Variants in FAR2 observed in about 807,000 individuals in gnomAD.
The protein encoded by FAR2 is epididymis secretory protein Li 81.
FAR2 carries 19 observed loss-of-function variants against 56.0 expected under a neutral mutation model. That is an observed-to-expected ratio of 0.34 (90% CI 0.24 to 0.50). The LOEUF (loss-of-function observed/expected upper bound fraction) is 0.50, where lower values mean the gene tolerates loss of function less well. Ranked by LOEUF, FAR2 falls within the 20% of genes least tolerant of loss-of-function variation. FAR2 has a pLI of 0.98. For missense variants in FAR2, 508 were observed against 642.2 expected (o/e 0.79, Z 2.26); for synonymous variants, 219 against 218.8 (o/e 1.00, Z -0.01).
intron 2 of FAR2, among the ~76,000 whole-genome samples, chr12:29,282,627 C>T (rs1366293542): frequency 6.6e-6 from 1 of 151,892 alleles, no homozygotes; most frequent in African/African-American, 2.4e-5. Context: ...AACATAGTAA[C>T]CAAAAATGTT....
intron 10 of FAR2, among the ~76,000 whole-genome samples, chr12:29,325,077 A>C (rs1451251393): frequency 6.6e-6 from 1 of 152,012 alleles, no homozygotes; most frequent in Non-Finnish European, 1.5e-5. Context: ...AATGGAAAAC[A>C]AAAAAAGGCA....
chr12:29,309,000 A>G (rs538745188), intron 5 of FAR2, among the ~76,000 whole-genome samples, 186 bp from the exon 6 acceptor site: 1 of 152,282 alleles, frequency 6.6e-6, no homozygotes, highest in South Asian at 2.1e-4. Flanking sequence ...ACAGTCAAAT[A>G]AAGTACAGAA....
intron 1 of FAR2, among the ~76,000 whole-genome samples, chr12:29,216,349 A>T (rs1352431193): frequency 1.3e-5 from 2 of 152,284 alleles, no homozygotes; most frequent in African/African-American, 4.8e-5. Context: ...TTTTTATGTT[A>T]CCAGGAATTT....
chr12:29,330,256 G>A (rs56161636), intron 10 of FAR2, among the ~76,000 whole-genome samples: 4,806 of 152,014 alleles, frequency 0.032, 100 homozygotes, highest in South Asian at 0.07. Context: ...GGGGTATCAC[G>A]ATATTGGTCA....
Position 29,240,333 on chromosome 12 carries a change from A to T in FAR2, c.-38-30079A>T, listed in dbSNP as rs536539052. On this transcript the variant is annotated intron_variant, in intron 1 of 11. Coordinates refer to ENST00000536681, the MANE Select transcript of FAR2 (RefSeq NM_001271783.2). Reference sequence around the variant, plus strand: ...GTTTCACCATCAACTCCCACTCTGAAGTCCTGCTTCCGTGCAATTCTTCCT... The same window carrying T: ...GTTTCACCATCAACTCCCACTCTGATGTCCTGCTTCCGTGCAATTCTTCCT... Among the ~76,000 whole-genome samples, 12 of 152,242 alleles carry T rather than the reference A, an allele frequency of 7.9e-5. No individual in the cohort carries two copies. In the South Asian group the frequency reaches 2.5e-3, roughly 32 times the overall value.
intron 10 of FAR2, among the ~76,000 whole-genome samples, chr12:29,323,940 A>G (rs571992358): frequency 6.6e-6 from 1 of 152,298 alleles, no homozygotes; most frequent in African/African-American, 2.4e-5. Flanking sequence ...CAGAAGATCA[A>G]ATTACTCTGA....
chr12:29,272,239 T>G (rs1948631236), intron 2 of FAR2, among the ~76,000 whole-genome samples: 1 of 152,240 alleles, frequency 6.6e-6, no homozygotes, highest in Admixed American at 6.5e-5. Flanking sequence ...CCAGCTTGTT[T>G]CCATTCTCCC....
intron 4 of FAR2, among the ~76,000 whole-genome samples, chr12:29,302,735 G>C (rs1277462316): frequency 1.3e-5 from 2 of 152,144 alleles, no homozygotes; most frequent in Non-Finnish European, 2.9e-5. Flanking sequence ...ATGAAAGTGG[G>C]CTTCAGGAAT....
rs573668578 is a variant in FAR2 at position 29,325,183 on chromosome 12, TCAG to T, written c.1257+3262_1257+3264del. 1.9e-4 allele frequency among the ~76,000 whole-genome samples: 29 copies of T among 152,298 alleles called. No homozygotes were observed. The Middle Eastern group carries it at 0.01, about 54-fold the overall frequency. On this transcript the variant is annotated intron_variant, in intron 10 of 11. Coordinates refer to ENST00000536681, the MANE Select transcript of FAR2 (RefSeq NM_001271783.2). ...ATTACATAATGGTAAAGGGATCAATTCAGCAAGAAGAGCTAACTATCCTAAATA... is the reference window on the plus strand; with the variant it reads ...ATTACATAATGGTAAAGGGATCAATTCAAGAAGAGCTAACTATCCTAAATA...
intron 1 of FAR2, among the ~76,000 whole-genome samples, chr12:29,216,828 T>C (rs1565474695): frequency 2.0e-5 from 3 of 152,240 alleles, no homozygotes; most frequent in African/African-American, 7.2e-5. Context: ...ATTAAACTTT[T>C]CATATCACGT....
chr12:29,199,225 A>C (rs765000712), intron 1 of FAR2, among the ~76,000 whole-genome samples: 3 of 152,204 alleles, frequency 2.0e-5, no homozygotes, highest in Non-Finnish European at 2.9e-5. Context: ...CAGGAATTCA[A>C]ATTTTATCGT....
intron 1 of FAR2, among the ~76,000 whole-genome samples, chr12:29,247,569 A>G (rs907532813): frequency 6.6e-6 from 1 of 152,090 alleles, no homozygotes; most frequent in Non-Finnish European, 1.5e-5. Flanking sequence ...ACACATTTAA[A>G]CTATTTTGTT....
At chr12:29,256,568 G>A (rs1214813597) in intron 1 of FAR2, among the ~76,000 whole-genome samples, 1 of 152,206 alleles carries the variant, frequency 6.6e-6, no homozygotes, top group African/African-American at 2.4e-5. Flanking sequence ...TCAGCCCACC[G>A]CTGCACTGTG....
At chr12:29,198,280 G>A (rs1216850151) in intron 1 of FAR2, among the ~76,000 whole-genome samples, 11 of 152,040 alleles carry the variant, frequency 7.2e-5, no homozygotes, top group Admixed American at 7.2e-4. Flanking sequence ...GGGCTGGAGT[G>A]CAGCCGGGCA....
At chr12:29,156,405 C>T (rs1157644132) in intron 1 of FAR2, 5 of 152,116 alleles carry the variant, frequency 3.3e-5, no homozygotes, top group Admixed American at 6.5e-5. Context: ...GTGTTGCTAA[C>T]GCTACATGCC....
intron 1 of FAR2, among the ~76,000 whole-genome samples, chr12:29,153,444 A>G (rs1949697393): frequency 6.6e-6 from 1 of 152,242 alleles, no homozygotes; most frequent in African/African-American, 2.4e-5. Context: ...GAGAGAAGGC[A>G]GGCCTTGTGA....
At chr12:29,200,811 T>C (rs1947399866) in intron 1 of FAR2, among the ~76,000 whole-genome samples, 1 of 152,230 alleles carries the variant, frequency 6.6e-6, no homozygotes, top group African/African-American at 2.4e-5. Context: ...ACAATGTCAA[T>C]TACCCTCTAA....
chr12:29,167,389 A>G (rs1267225997), intron 1 of FAR2, among the ~76,000 whole-genome samples: 1 of 152,160 alleles, frequency 6.6e-6, no homozygotes, highest in East Asian at 1.9e-4. Flanking sequence ...TTCTTTTTAG[A>G]GGATGACATG....
chr12:29,262,350 G>T (rs1003773187), intron 1 of FAR2, among the ~76,000 whole-genome samples: 2 of 152,120 alleles, frequency 1.3e-5, no homozygotes, highest in South Asian at 2.1e-4. Flanking sequence ...AGAAATTAAG[G>T]CTTGGCGTGG....
Sources: allele counts gnomAD v4.1 joint callset (sites outside exome capture counted in the v4.1 genomes callset), GRCh38; gene constraint gnomAD v4.1.1; transcripts MANE v1.5; gene names NCBI Gene and HGNC (gene_info 2026-07-23, HGNC 2026-07-21).